The following PGLYRP3 variants were observed in gnomAD, a reference collection of about 807,000 sequenced individuals.
The protein encoded by PGLYRP3 is peptidoglycan recognition protein I alpha.
A neutral mutation model predicts 36.0 loss-of-function variants in PGLYRP3; 39 were observed. The observed-to-expected ratio is 1.08, with a 90% CI of 0.84 to 1.41. The LOEUF is 1.41. Among genes scored for constraint, PGLYRP3 ranks in the 40% most tolerant of loss-of-function variants. PGLYRP3 has a pLI of 0.00. For missense variants in PGLYRP3, 407 were observed against 427.9 expected, an observed-to-expected ratio of 0.95 and a Z score of 0.43; for synonymous variants, 204 against 172.8, an observed-to-expected ratio of 1.18 and a Z score of -1.42.
chr1:153,310,757 G>T, intron 1 of PGLYRP3, 51 bp from the exon 2 acceptor site: 5 of 1,143,864 alleles, frequency 4.4e-6, no homozygotes, highest in Non-Finnish European at 6.5e-6. Flanking sequence ...TGCAAGTGGA[G>T]CACCCACCTA....
chr1:153,297,474 GA>G lies in PGLYRP3; in HGVS notation c.*481del. ...GGGGAGAGAGAGAGAGAGAGAGAGAGAGTGAGAAAGCAAGAAAGAAGGTGAA... is the reference window on the plus strand; with the variant it reads ...GGGGAGAGAGAGAGAGAGAGAGAGAGGTGAGAAAGCAAGAAAGAAGGTGAA... On this transcript the variant is annotated 3_prime_UTR_variant, in exon 8 of 8. Coordinates refer to ENST00000683862, the MANE Select transcript of PGLYRP3 (RefSeq NM_052891.3). Among the ~76,000 whole-genome samples, 14 of 127,422 alleles carry G rather than the reference GA, an allele frequency of 1.1e-4. No individual in the cohort carries two copies. Among genetic ancestry groups the G allele is most frequent in the African/African-American group, 1.8e-4 (6 of 34,006 alleles). The allele number at this position is 127,422 out of a possible 152,430, so 83.6% of individuals were successfully genotyped here.
chr1:153,305,805 G>A (rs1018244286), intron 3 of PGLYRP3, among the ~76,000 whole-genome samples: 19 of 152,226 alleles, frequency 1.2e-4, no homozygotes, highest in African/African-American at 4.3e-4. Flanking sequence ...AGGAATGGGT[G>A]TGGAGCCTGG....
intron 3 of PGLYRP3, among the ~76,000 whole-genome samples, chr1:153,305,300 C>T (rs774329102): frequency 2.0e-5 from 3 of 152,128 alleles, no homozygotes; most frequent in Non-Finnish European, 2.9e-5. Flanking sequence ...TTCAAAAATA[C>T]TCATTTGGTT....
At chr1:153,308,883 G>A (rs1408575755) in intron 2 of PGLYRP3, among the ~76,000 whole-genome samples, 2 of 152,142 alleles carry the variant, frequency 1.3e-5, no homozygotes, top group Non-Finnish European at 2.9e-5. Flanking sequence ...AGTCTCACCT[G>A]CTGCCTTATC....
At chr1:153,305,721 A>C (rs1659723266) in intron 3 of PGLYRP3, among the ~76,000 whole-genome samples, 1 of 152,204 alleles carries the variant, frequency 6.6e-6, no homozygotes. Flanking sequence ...CACAGAAAGA[A>C]CACCTCCCTT....
chr1:153,302,943 G>A (rs1403056686), intron 5 of PGLYRP3, among the ~76,000 whole-genome samples: 1 of 152,178 alleles, frequency 6.6e-6, no homozygotes, highest in Admixed American at 6.5e-5. Context: ...AGGTATGTGC[G>A]CTTATGTAAC....
At position 153,302,540 on chromosome 1, in the gene PGLYRP3, G is replaced by A. The variant is rs1007496204; in HGVS notation, c.597C>T (p.Leu199=). The A allele has an allele frequency of 1.9e-6, 3 of 1,614,230 alleles. No homozygotes were observed. The highest frequency in any genetic ancestry group is 2.5e-6 in the Non-Finnish European group (3 of 1,180,038). Residue 199 remains leucine, a synonymous_variant, in exon 6 of 8, where the codon CTC becomes CTT. Coordinates refer to ENST00000683862, the MANE Select transcript of PGLYRP3 (RefSeq NM_052891.3). ...ARETHCPKMN[L]PAKYVIIIHT... is the part of the protein sequence containing the mutation. ...GGATGATGATGACATATTTGGCTGG[G>A]AGGTTCATTTTAGGGCAGTGTGTCT...
In PGLYRP3 at chr1:153,302,586, C is replaced by G. The variant is rs1384888609; in HGVS notation, c.551G>C (p.Arg184Pro). The G allele has an allele frequency of 6.2e-7, 1 of 1,614,072 alleles. No individual in the cohort carries two copies. Among genetic ancestry groups the G allele is most frequent in the Non-Finnish European group, 8.5e-7 (1 of 1,180,020 alleles). Residue 184 changes from arginine (R) to proline (P), a missense_variant, in exon 6 of 8, where the codon CGA (arginine) becomes CCA (proline). Arg to Pro is a moderately radical substitution (Grantham distance 103). Transcript: ENST00000683862. ...TGTCTCTCTGGCTTCCCAAGCAGAT[C>G]GTTTGATGATGTTGGGGCAAACTGT... ...PRKVCPNIIK[R>P]SAWEARETHC...
chr1:153,306,381 T>C (rs943195754), intron 3 of PGLYRP3, among the ~76,000 whole-genome samples: 22 of 152,214 alleles, frequency 1.4e-4, no homozygotes, highest in African/African-American at 5.1e-4. Flanking sequence ...GGGCTTCCAC[T>C]GATGATCCCC....
At chr1:153,302,755 C>T (rs1659631297) in intron 5 of PGLYRP3, 148 bp from the exon 6 acceptor site, 1 of 795,950 alleles carries the variant, frequency 1.3e-6, no homozygotes, top group African/African-American at 1.7e-5. Flanking sequence ...CTTTGGGATT[C>T]TGGGGAAGTC....
chr1:153,300,430 C>T (rs146601214), intron 6 of PGLYRP3, among the ~76,000 whole-genome samples: 1,949 of 152,118 alleles, frequency 0.013, 11 homozygotes, highest in South Asian at 0.03. Context: ...ACTTGTTAGC[C>T]CTCCTTCTCT....
At chr1:153,310,986 G>A (rs1304280672) in intron 1 of PGLYRP3, among the ~76,000 whole-genome samples, 1 of 152,120 alleles carries the variant, frequency 6.6e-6, no homozygotes, top group Non-Finnish European at 1.5e-5. Context: ...AGGCCTTTCA[G>A]GGTAGAAAAT....
At chr1:153,310,162 G>A (rs1030805619) in intron 2 of PGLYRP3, among the ~76,000 whole-genome samples, 5 of 152,084 alleles carry the variant, frequency 3.3e-5, no homozygotes, top group South Asian at 2.1e-4. Flanking sequence ...CTAGAGAAAC[G>A]GCATTGCTAC....
chr1:153,303,814 G>C (rs771102729), intron 5 of PGLYRP3, 43 bp downstream of exon 5: 41 of 1,577,196 alleles, frequency 2.6e-5, no homozygotes, highest in Non-Finnish European at 3.0e-5. Flanking sequence ...AACATGGCTA[G>C]GTGGTGACGA....
In PGLYRP3 at chr1:153,306,573, T is replaced by C. The variant is rs1387716558; in HGVS notation, c.257+493A>G. On this transcript the variant is annotated intron_variant, in intron 3 of 7. Coordinates refer to ENST00000683862, the MANE Select transcript of PGLYRP3 (RefSeq NM_052891.3). ...TTCCCAGGTGCGAGTCCCTGTGAGG[T>C]GGGGAGGAGCAAGGGCTACACTGGC... Among the ~76,000 whole-genome samples, 4 of 152,162 alleles carry C rather than the reference T, an allele frequency of 2.6e-5. No individual in the cohort carries two copies. The East Asian group carries it at 7.7e-4, about 29-fold the overall frequency.
chr1:153,312,528 A>G (rs1659919903), intron 1 of PGLYRP3, among the ~76,000 whole-genome samples, 115 bp downstream of exon 1: 1 of 151,954 alleles, frequency 6.6e-6, no homozygotes, highest in African/African-American at 2.4e-5. Flanking sequence ...AGATCAGGGG[A>G]GCTTTCCCTA....
chr1:153,306,976 G>T, intron 3 of PGLYRP3, 90 bp downstream of exon 3: 2 of 1,151,516 alleles, frequency 1.7e-6, no homozygotes, highest in Non-Finnish European at 2.4e-6. Context: ...TGTAAATGAA[G>T]CGCAGAAAAT....
intron 4 of PGLYRP3, among the ~76,000 whole-genome samples, chr1:153,304,702 G>A (rs760339603): frequency 1.6e-4 from 25 of 152,192 alleles, no homozygotes; most frequent in Admixed American, 1.5e-3. Context: ...AGCAATAACC[G>A]TGAGCTCAAG....
In PGLYRP3 at chr1:153,297,499, AAAGGAAGGAAGGAAGGAAGGAAGGAAGG is replaced by A. The variant is rs535766745; in HGVS notation, c.*429_*456del. ...GAGTGAGAAAGCAAGAAAGAAGGTG[AAAGGAAGGAAGGAAGGAAGGAAGGAAGG>A]AAGGAAGGAAGGAAGGAAGGAAGGA... On this transcript the variant is annotated 3_prime_UTR_variant, in exon 8 of 8. Coordinates refer to ENST00000683862, the MANE Select transcript of PGLYRP3 (RefSeq NM_052891.3). 7.5e-3 allele frequency among the ~76,000 whole-genome samples: 395 copies of A among 52,742 alleles called. 2 individuals carry two copies. The highest frequency in any genetic ancestry group is 0.033 in the African/African-American group (384 of 11,490). The allele number at this position is 52,742 out of a possible 152,430, so 34.6% of individuals were successfully genotyped here. A position where few individuals can be genotyped will look rare whatever the true frequency, so the allele number is the denominator to read the frequency against.
Sources: allele counts gnomAD v4.1 joint callset (sites outside exome capture counted in the v4.1 genomes callset), GRCh38; gene constraint gnomAD v4.1.1; transcripts MANE v1.5; gene names NCBI Gene and HGNC (gene_info 2026-07-23, HGNC 2026-07-21).